RTTN: variants seen among roughly 807,000 people sequenced by gnomAD.
The protein encoded by RTTN is rotatin.
RTTN carries 182 observed loss-of-function variants against 269.2 expected under a neutral mutation model. The observed-to-expected ratio is 0.68, with a 90% CI of 0.60 to 0.76. RTTN has a LOEUF of 0.76. RTTN is among the 30% of genes least tolerant of loss of function. The pLI is 0.00. For synonymous variants in RTTN, 1,006 were observed against 963.5 expected, an observed-to-expected ratio of 1.04 and a Z score of -0.82; for missense variants, 2,545 against 2,608.6, an observed-to-expected ratio of 0.98 and a Z score of 0.53.
At chr18:70,104,053 A>C (rs1300696058) in intron 28 of RTTN, among the ~76,000 whole-genome samples, 2 of 152,216 alleles carry the variant, frequency 1.3e-5, no homozygotes, top group African/African-American at 4.8e-5. Flanking sequence ...AGGTTGGGGA[A>C]GTTCTCCTGG....
At chr18:70,163,743 C>G (rs910138262) in intron 14 of RTTN, among the ~76,000 whole-genome samples, 9 of 152,090 alleles carry the variant, frequency 5.9e-5, no homozygotes, top group African/African-American at 2.2e-4. Flanking sequence ...TCTGAAAATT[C>G]AAAACTGGAA....
At chr18:70,151,250 A>G (rs2060530943) in intron 14 of RTTN, among the ~76,000 whole-genome samples, 1 of 148,982 alleles carries the variant, frequency 6.7e-6, no homozygotes, top group Non-Finnish European at 1.5e-5. Flanking sequence ...TGTCCTATAT[A>G]TGTGATATAT....
intron 14 of RTTN, among the ~76,000 whole-genome samples, chr18:70,165,371 T>C (rs1417223079): frequency 2.6e-5 from 4 of 151,668 alleles, no homozygotes; most frequent in Non-Finnish European, 5.9e-5. Flanking sequence ...ATACACCAGC[T>C]GTGTAAGAGT....
intron 30 of RTTN, 117 bp downstream of exon 30, chr18:70,091,993 T>C (rs1373950795): frequency 1.9e-6 from 1 of 529,674 alleles, no homozygotes; most frequent in Non-Finnish European, 3.5e-6. Flanking sequence ...GACCTCGTGA[T>C]CTGCCCACCT....
intron 43 of RTTN, among the ~76,000 whole-genome samples, chr18:70,027,553 C>T (rs540010238): frequency 1.8e-3 from 270 of 152,262 alleles, no homozygotes; most frequent in African/African-American, 6.3e-3. Flanking sequence ...GTAGATCCCA[C>T]ATGTAAAGTA....
At position 70,037,205 on chromosome 18, in the gene RTTN, C is replaced by A. The variant is rs138772990; in HGVS notation, c.5542-6224G>T. Among the ~76,000 whole-genome samples the A allele has an allele frequency of 2.6e-5, 4 of 152,286 alleles. No homozygotes were observed. The East Asian group carries it at 7.7e-4, about 29-fold the overall frequency. On this transcript the variant is annotated intron_variant, in intron 40 of 48. Transcript: ENST00000640769. ...TTGAAAGGCAGTCTTGGACACAAGG[C>A]CTGCAATTCCTAGGCAACTCCTAGT...
At chr18:70,139,778 AC>A in intron 20 of RTTN, 62 bp from the exon 21 acceptor site, 2 of 950,150 alleles carry the variant, frequency 2.1e-6, no homozygotes, top group Non-Finnish European at 3.3e-6. Flanking sequence ...GATCAAACAG[AC>A]CATAATATTA....
intron 14 of RTTN, among the ~76,000 whole-genome samples, chr18:70,152,088 CCT>C (rs2145806477): frequency 6.6e-6 from 1 of 152,334 alleles, no homozygotes; most frequent in South Asian, 2.1e-4. Context: ...TTCCTTCTAA[CCT>C]CTGTCTCCAC....
At chr18:70,146,329 G>C (rs761086186) in intron 17 of RTTN, among the ~76,000 whole-genome samples, 1 of 152,148 alleles carries the variant, frequency 6.6e-6, no homozygotes, top group Non-Finnish European at 1.5e-5. Flanking sequence ...TCAGCTGAGT[G>C]GGGAGGTGGG....
At chr18:70,040,499 C>CGAGA (rs2057308320) in intron 40 of RTTN, among the ~76,000 whole-genome samples, 1 of 152,048 alleles carries the variant, frequency 6.6e-6, no homozygotes, top group African/African-American at 2.4e-5. Context: ...AAAGAGAGAG[C>CGAGA]GAGATCTCAA....
intron 26 of RTTN, among the ~76,000 whole-genome samples, chr18:70,115,254 C>A (rs113650699): frequency 7.8e-4 from 119 of 151,962 alleles, no homozygotes; most frequent in African/African-American, 2.5e-3. Context: ...CATACAATTA[C>A]ACAGGACATG....
intron 44 of RTTN, among the ~76,000 whole-genome samples, chr18:70,022,150 A>C (rs2056724065): frequency 6.6e-6 from 1 of 152,090 alleles, no homozygotes; most frequent in Admixed American, 6.5e-5. Flanking sequence ...TGGTGTGTTT[A>C]CTTTCCTTCC....
At chr18:70,029,786 TATA>T (rs1318462908) in intron 42 of RTTN, among the ~76,000 whole-genome samples, 1 of 152,214 alleles carries the variant, frequency 6.6e-6, no homozygotes. Context: ...TTCCAATGTT[TATA>T]ATAACAACAG....
rs75356692 is a variant in RTTN at position 70,087,993 on chromosome 18, C to T, written c.4298G>A (p.Arg1433Gln). ...LDQSECSMVR[R>Q]EAAFILQNLL... ...AAGGAGAAAAGACAGACATACCTCC[C>T]GGCGCACCATACTACATTCTGACTG... The change falls in exon 31 of 49, where the codon CGG (arginine) becomes CAG (glutamine). Residue 1433 changes from arginine to glutamine, a missense_variant. Transcript: ENST00000640769. The T allele has an allele frequency of 6.7e-4, 1,088 of 1,612,008 alleles. No individual in the cohort carries two copies. Among genetic ancestry groups the T allele is most frequent in the Non-Finnish European group, 8.8e-4 (1,041 of 1,179,306 alleles).
rs190600111 is a variant in RTTN, at chr18:70,137,514, G to A, written c.2788+2085C>T. Among the ~76,000 whole-genome samples, 4 of 152,086 alleles carry A rather than the reference G, an allele frequency of 2.6e-5. No homozygotes were observed. The East Asian group carries it at 5.8e-4, about 22-fold the overall frequency. ...TAACAACCTTAAACAGCTCTTCACT[G>A]CTGTTTAATAAAATCTCCCAGGCCC... On this transcript the variant is annotated intron_variant, in intron 21 of 48. Transcript: ENST00000640769.
At chr18:70,199,039 T>C (rs977616190) in intron 5 of RTTN, among the ~76,000 whole-genome samples, 1 of 152,102 alleles carries the variant, frequency 6.6e-6, no homozygotes, top group Non-Finnish European at 1.5e-5. Context: ...ATACAAAAAT[T>C]AGCTCAGCGT....
At chr18:70,013,160 G>C (rs1046128205) in intron 46 of RTTN, among the ~76,000 whole-genome samples, 1 of 152,098 alleles carries the variant, frequency 6.6e-6, no homozygotes, top group Non-Finnish European at 1.5e-5. Context: ...AATTTATCAC[G>C]TGAGGTTATG....
intron 10 of RTTN, among the ~76,000 whole-genome samples, chr18:70,180,165 T>C (rs1193246096): frequency 6.6e-6 from 1 of 151,714 alleles, no homozygotes; most frequent in Non-Finnish European, 1.5e-5. Flanking sequence ...AAATCCTACC[T>C]ATAATTTAAA....
At position 70,109,478 on chromosome 18, in the gene RTTN, C is replaced by T; in HGVS notation, c.3903+20G>A. ...AAAGCAACTAATAGTAAATAACTACCATATGCTATTTTTACTTACCTCAAG... is the reference window on the plus strand; with the variant it reads ...AAAGCAACTAATAGTAAATAACTACTATATGCTATTTTTACTTACCTCAAG... On this transcript the variant is annotated intron_variant, in intron 28 of 48. Coordinates refer to ENST00000640769, the MANE Select transcript of RTTN (RefSeq NM_173630.4). 6.3e-7 allele frequency: 1 copy of T among 1,584,672 alleles called. No individual in the cohort carries two copies. The highest frequency in any genetic ancestry group is 2.2e-5 in the East Asian group (1 of 44,730).
Sources: allele counts gnomAD v4.1 joint callset (sites outside exome capture counted in the v4.1 genomes callset), GRCh38; gene constraint gnomAD v4.1.1; transcripts MANE v1.5; gene names NCBI Gene and HGNC (gene_info 2026-07-23, HGNC 2026-07-21).